TAX1BP1: variants seen among roughly 807,000 people sequenced by gnomAD.
TAX1BP1 encodes the protein tax1-binding protein 1.
A neutral mutation model predicts 97.7 loss-of-function variants in TAX1BP1; 62 were observed. The observed-to-expected ratio is 0.63, with a 90% CI of 0.52 to 0.78. TAX1BP1 has a LOEUF of 0.78. Among genes scored for constraint, TAX1BP1 ranks in the 30% least tolerant of loss-of-function variants. The pLI is 0.00. For missense variants in TAX1BP1, 867 were observed against 916.1 expected (o/e 0.95, Z 0.69); for synonymous variants, 340 against 304.2 (o/e 1.12, Z -1.23).
At position 27,796,613 on chromosome 7, in the gene TAX1BP1, G is replaced by C. The variant is rs1304648701; in HGVS notation, c.1638+394G>C. Among the ~76,000 whole-genome samples the C allele has an allele frequency of 2.0e-5, 3 of 152,300 alleles. No homozygotes were observed. In the East Asian group the frequency reaches 5.8e-4, roughly 29 times the overall value. On this transcript the variant is annotated intron_variant, in intron 12 of 16. Transcript: ENST00000396319. The stretch of plus-strand genomic sequence containing the variant: ...GCGGTGGCTCACGCCTGTAATCCCA[G>C]CACCTTGGGAGGTCGACGTGGGTGG...
rs1789736485 is a variant in TAX1BP1 at position 27,792,130 on chromosome 7, T to C, written c.1163T>C (p.Met388Thr). The change falls in exon 9 of 17, where the codon ATG becomes ACG. Residue 388 changes from methionine (M) to threonine (T), a missense_variant. By Grantham distance (81) the Met-to-Thr change is moderately conservative. This residue lies in a region of TAX1BP1 where 822 missense variants were observed against 851.4 expected (regional missense o/e 0.97). Transcript: ENST00000396319. ...GCTGTCAACGTACGAGACAGAACGA[T>C]GGCAGACCTGCATACTGCACGCTTG... Reference protein sequence around the residue: ...SDAVNVRDRTMADLHTARLEN... With the variant: ...SDAVNVRDRTTADLHTARLEN... 1 of 1,613,946 alleles carries C rather than the reference T, an allele frequency of 6.2e-7. No homozygotes were observed. The highest frequency in any genetic ancestry group is 1.3e-5 in the African/African-American group (1 of 74,938).
chr7:27,775,700 C>G (rs983900359), intron 5 of TAX1BP1, among the ~76,000 whole-genome samples: 1 of 152,104 alleles, frequency 6.6e-6, no homozygotes, highest in African/African-American at 2.4e-5. Context: ...TGCAATTGCC[C>G]TACCTTCTGT....
chr7:27,766,226 C>A (rs372447909), intron 4 of TAX1BP1, among the ~76,000 whole-genome samples: 15 of 152,036 alleles, frequency 9.9e-5, no homozygotes, highest in African/African-American at 3.6e-4. Flanking sequence ...CGAGACCATC[C>A]TGGCTAACAC....
At chr7:27,810,181 A>G (rs868099938) in intron 13 of TAX1BP1, among the ~76,000 whole-genome samples, 30 of 151,600 alleles carry the variant, frequency 2.0e-4, no homozygotes, top group South Asian at 1.0e-3. Context: ...TGCTGGGATT[A>G]CAGGCGTGAG....
At chr7:27,741,146 G>T (rs1220306288) in intron 1 of TAX1BP1, among the ~76,000 whole-genome samples, 2 of 152,184 alleles carry the variant, frequency 1.3e-5, no homozygotes, top group African/African-American at 4.8e-5. Context: ...TATTATGTTA[G>T]GCTTTAGATG....
At chr7:27,817,446 G>A (rs748555875) in intron 15 of TAX1BP1, among the ~76,000 whole-genome samples, 2 of 152,042 alleles carry the variant, frequency 1.3e-5, no homozygotes, top group Non-Finnish European at 2.9e-5. Flanking sequence ...TTTCTTTATA[G>A]CATTTATATC....
At chr7:27,798,768 A>C (rs1421200347) in intron 12 of TAX1BP1, among the ~76,000 whole-genome samples, 1 of 151,532 alleles carries the variant, frequency 6.6e-6, no homozygotes, top group Non-Finnish European at 1.5e-5. Context: ...TTGTGGTTTT[A>C]ATGTGCATTT....
intron 1 of TAX1BP1, among the ~76,000 whole-genome samples, chr7:27,744,374 C>G (rs1392181372): frequency 3.3e-5 from 5 of 152,202 alleles, no homozygotes; most frequent in Non-Finnish European, 7.3e-5. Context: ...ATCCGCCCGC[C>G]TCGGCCTCCC....
intron 8 of TAX1BP1, among the ~76,000 whole-genome samples, chr7:27,790,147 A>C (rs1457659659): frequency 6.6e-6 from 1 of 152,024 alleles, no homozygotes; most frequent in Non-Finnish European, 1.5e-5. Flanking sequence ...ATTTTAACAC[A>C]AATTAGAATT....
chr7:27,813,890 T>A (rs1562740751), intron 13 of TAX1BP1, among the ~76,000 whole-genome samples: 1 of 148,464 alleles, frequency 6.7e-6, no homozygotes, highest in Admixed American at 6.7e-5. Context: ...TTATGTGTAG[T>A]TTTTTTTTTA....
chr7:27,812,395 TG>T (rs1362722571), intron 13 of TAX1BP1, among the ~76,000 whole-genome samples: 1 of 152,208 alleles, frequency 6.6e-6, no homozygotes, highest in Admixed American at 6.5e-5. Context: ...ATAATTCCTT[TG>T]TCAGATATTT....
intron 8 of TAX1BP1, among the ~76,000 whole-genome samples, chr7:27,790,203 A>G (rs1486439917): frequency 6.6e-6 from 1 of 151,972 alleles, no homozygotes; most frequent in Non-Finnish European, 1.5e-5. Context: ...GATATCTTGC[A>G]CTATGATACA....
rs1173708046 is a variant in TAX1BP1, at chr7:27,752,667, C to T, written c.162+3981C>T. ...GTTCCTTTTAGTTTTTTCACTCCCT[C>T]TGAAGTATTGATTGATTAGTTTTAA... On this transcript the variant is annotated intron_variant, in intron 2 of 16. Transcript: ENST00000396319. Among the ~76,000 whole-genome samples, 3 of 152,260 alleles carry T rather than the reference C, an allele frequency of 2.0e-5. No homozygotes were observed. The East Asian group carries it at 5.8e-4, about 29-fold the overall frequency.
chr7:27,825,342 A>G (rs1350047336), intron 15 of TAX1BP1, among the ~76,000 whole-genome samples: 3 of 151,704 alleles, frequency 2.0e-5, no homozygotes, highest in African/African-American at 7.3e-5. Flanking sequence ...AGGCTTGTTG[A>G]GTAAAATAGA....
Position 27,800,050 on chromosome 7 carries a change from A to T in TAX1BP1, c.1724A>T (p.Asn575Ile). ...AAAGAACAAGTGAAAATTGCTGAAA[A>T]TGTAAAACTTGAACTAGCTGAAGTA... ...KWKEQVKIAE[N>I]VKLELAEVQD... is the part of the protein sequence containing the mutation. Residue 575 changes from asparagine to isoleucine, a missense_variant, in exon 13 of 17, where the codon AAT becomes ATT. By Grantham distance (149) the Asn-to-Ile change is moderately radical (BLOSUM62 -3). Coordinates refer to ENST00000396319, the MANE Select transcript of TAX1BP1 (RefSeq NM_006024.7). 1.3e-6 allele frequency: 2 copies of T among 1,599,270 alleles called. No homozygotes were observed. The highest frequency in any genetic ancestry group is 1.7e-6 in the Non-Finnish European group (2 of 1,173,054).
At chr7:27,822,559 T>C (rs1267171197) in intron 15 of TAX1BP1, among the ~76,000 whole-genome samples, 2 of 152,324 alleles carry the variant, frequency 1.3e-5, no homozygotes, top group East Asian at 3.9e-4. Flanking sequence ...CTTTGTGAAA[T>C]GGTTCATCAT....
At chr7:27,805,199 C>T (rs1425488552) in intron 13 of TAX1BP1, among the ~76,000 whole-genome samples, 1 of 152,090 alleles carries the variant, frequency 6.6e-6, no homozygotes, top group East Asian at 1.9e-4. Context: ...CTAATTTTTG[C>T]ATATGGGAGA....
chr7:27,758,398 T>C (rs2128309375), intron 3 of TAX1BP1: 2 of 241,192 alleles, frequency 8.3e-6, no homozygotes, highest in Admixed American at 5.3e-5. Flanking sequence ...TTTTGGAGAT[T>C]TTTTTTTTTC....
At chr7:27,821,751 G>A (rs966177964) in intron 15 of TAX1BP1, among the ~76,000 whole-genome samples, 1 of 151,870 alleles carries the variant, frequency 6.6e-6, no homozygotes, top group African/African-American at 2.4e-5. Context: ...TCACAGAGCT[G>A]TGCAACCATC....
Sources: allele counts gnomAD v4.1 joint callset (sites outside exome capture counted in the v4.1 genomes callset), GRCh38; gene constraint gnomAD v4.1.1; regional missense constraint gnomAD v4.1.1; transcripts MANE v1.5; gene names NCBI Gene and HGNC (gene_info 2026-07-23, HGNC 2026-07-21).